TAF1L: variants seen among roughly 807,000 people sequenced by gnomAD.
TAF1L encodes transcription initiation factor TFIID subunit 1-like.
Under a neutral mutation model 128.8 loss-of-function variants are expected in TAF1L, and 30 were observed. That is an observed-to-expected ratio of 0.23 (90% CI 0.17 to 0.32). The LOEUF (loss-of-function observed/expected upper bound fraction) is 0.32. TAF1L is among the 10% of genes least tolerant of loss of function. The probability of loss-of-function intolerance (pLI) is 1.00; values close to 1 mark genes in which losing one functional copy is unlikely to be tolerated. For synonymous variants in TAF1L, 764 were observed against 790.7 expected, an observed-to-expected ratio of 0.97 and a Z score of 0.57; for missense variants, 2,099 against 2,253.7, an observed-to-expected ratio of 0.93 and a Z score of 1.39.
rs757349383 is a variant in TAF1L at position 32,634,326 on chromosome 9, G to C, written c.1254C>G (p.Asp418Glu). 6.2e-7 allele frequency: 1 copy of C among 1,614,130 alleles called. No homozygotes were observed. Among genetic ancestry groups the C allele is most frequent in the East Asian group, 2.2e-5 (1 of 44,878 alleles). The stretch of plus-strand genomic sequence containing the variant: ...GCTGTGTCACCATCAGGAAGTTTTC[G>C]TCAGCCAGAAGATCAGTGCCATTGC... ...EESNGTDLLA[D>E]ENFLMVTQLH... Residue 418 changes from aspartate (D) to glutamate (E), a missense_variant, in exon 1 of 1, where the codon GAC becomes GAG. This residue lies in a region of TAF1L where 1,213 missense variants were observed against 1,391.4 expected (regional missense o/e 0.87). Coordinates refer to ENST00000242310, the MANE Select transcript of TAF1L (RefSeq NM_153809.2).
chr9:32,634,732 T>C lies in TAF1L; in HGVS notation c.848A>G (p.Lys283Arg). ...TTCCTGTATCAGCTCACGATGCTTC[T>C]TCCTCTTTCTCCGAGCACTCCGCCA... is the stretch of plus-strand genomic sequence containing the variant. ...SVWRSARRKR[K>R]KHRELIQEEQ... Residue 283 changes from lysine (K) to arginine (R), a missense_variant, in exon 1 of 1, where the codon AAG becomes AGG. By Grantham distance (26) the Lys-to-Arg change is conservative (BLOSUM62 2). Around this residue, in one of 4 missense-constraint regions of TAF1L, gnomAD observed 473 missense variants for 429.6 expected, o/e 1.10. Coordinates refer to ENST00000242310, the MANE Select transcript of TAF1L (RefSeq NM_153809.2). 5 of 1,614,222 alleles carry C rather than the reference T, an allele frequency of 3.1e-6. No homozygotes were observed. The highest frequency in any genetic ancestry group is 3.4e-6 in the Non-Finnish European group (4 of 1,180,024).
At position 32,630,315 on chromosome 9, in the gene TAF1L, A is replaced by G. The variant is rs1822499293; in HGVS notation, c.5265T>C (p.Pro1755=). The change falls in exon 1 of 1, where the codon CCT becomes CCC. Residue 1755 remains proline, a synonymous_variant. Transcript: ENST00000242310. ...AATCCTCATACAGGACACTGGCTTCAGGTTGTTGTACAGTTCCTTCCTCTT... is the reference window on the plus strand; with the variant it reads ...AATCCTCATACAGGACACTGGCTTCGGGTTGTTGTACAGTTCCTTCCTCTT... ...ADEEEGTVQQ[P]EASVLYEDLL... is the part of the protein sequence containing the mutation. 2 of 1,614,062 alleles carry G rather than the reference A, an allele frequency of 1.2e-6. No individual in the cohort carries two copies. Among genetic ancestry groups the G allele is most frequent in the African/African-American group, 1.3e-5 (1 of 74,912 alleles).
Position 32,633,342 on chromosome 9 carries a change from T to A in TAF1L, c.2238A>T (p.Thr746=), listed in dbSNP as rs763382629. The change falls in exon 1 of 1, where the codon ACA becomes ACT. Residue 746 remains threonine (T), a synonymous_variant. Transcript: ENST00000242310. ...GATGGAGAGAGCCCAAGAAAGGAGA[T>A]GTATGGCAGTAAACAGTTTCCCCAT... ...CKYGETVYCH[T]SPFLGSLHPG... is the part of the protein sequence containing the mutation. 6.2e-7 allele frequency: 1 copy of A among 1,614,188 alleles called. No individual in the cohort carries two copies. The highest frequency in any genetic ancestry group is 2.2e-5 in the East Asian group (1 of 44,892).
At position 32,630,754 on chromosome 9, in the gene TAF1L, G is replaced by T; in HGVS notation, c.4826C>A (p.Thr1609Asn). ...GTTCACAATCTCCTGAGCAGTCTTAGTGTACTGACTCTCAGGTCCATTATA... is the reference window on the plus strand; with the variant it reads ...GTTCACAATCTCCTGAGCAGTCTTATTGTACTGACTCTCAGGTCCATTATA... The part of the protein sequence containing the change: ...VKYNGPESQY[T>N]KTAQEIVNIC... Residue 1609 changes from threonine (T) to asparagine (N), a missense_variant, in exon 1 of 1, where the codon ACT (threonine) becomes AAT (asparagine). Transcript: ENST00000242310. 6.2e-7 allele frequency: 1 copy of T among 1,614,196 alleles called. No homozygotes were observed. Among genetic ancestry groups the T allele is most frequent in the Non-Finnish European group, 8.5e-7 (1 of 1,180,042 alleles).
At position 32,631,338 on chromosome 9, in the gene TAF1L, G is replaced by A. The variant is rs2119084368; in HGVS notation, c.4242C>T (p.Asp1414=). The A allele has an allele frequency of 1.2e-6, 2 of 1,614,184 alleles. No individual in the cohort carries two copies. Among genetic ancestry groups the A allele is most frequent in the South Asian group, 2.2e-5 (2 of 91,084 alleles). The change falls in exon 1 of 1, where the codon GAC becomes GAT. Residue 1414 remains aspartate, a synonymous_variant. Coordinates refer to ENST00000242310, the MANE Select transcript of TAF1L (RefSeq NM_153809.2). The surrounding 1 kb of genome is among the most constrained non-coding windows in gnomAD (Gnocchi z 4.1). The part of the protein sequence containing the change: ...LSSILESIIN[D]MRDLPNTHPF... The stretch of plus-strand genomic sequence containing the variant: ...GGTGTGTATTTGGAAGATCTCTCAT[G>A]TCATTGATGATAGACTCCAGGATGG...
rs1822552769 is a variant in TAF1L at position 32,634,138 on chromosome 9, T to C, written c.1442A>G (p.Lys481Arg). 1 of 1,614,172 alleles carries C rather than the reference T, an allele frequency of 6.2e-7. No individual in the cohort carries two copies. The highest frequency in any genetic ancestry group is 8.5e-7 in the Non-Finnish European group (1 of 1,180,038). The change falls in exon 1 of 1, where the codon AAA becomes AGA. Residue 481 changes from lysine (K) to arginine (R), a missense_variant. Around this residue, in one of 4 missense-constraint regions of TAF1L, gnomAD observed 1,213 missense variants for 1,391.4 expected, o/e 0.87. Coordinates refer to ENST00000242310, the MANE Select transcript of TAF1L (RefSeq NM_153809.2). ...QGFAPTLDDD[K>R]PWYSIFPIDN... ...AATGGGAAAAATGGAGTACCAAGGT[T>C]TGTCATCATCCAGAGTGGGTGCAAA...
At position 32,634,393 on chromosome 9, in the gene TAF1L, A is replaced by C; in HGVS notation, c.1187T>G (p.Ile396Arg). 1 of 1,614,208 alleles carries C rather than the reference A, an allele frequency of 6.2e-7. No individual in the cohort carries two copies. Among genetic ancestry groups the C allele is most frequent in the East Asian group, 2.2e-5 (1 of 44,886 alleles). Residue 396 changes from isoleucine (I) to arginine (R), a missense_variant, in exon 1 of 1, where the codon ATA becomes AGA. Physicochemically the swap from Ile to Arg is moderately conservative, Grantham distance 97. This residue lies in a region of TAF1L where 1,213 missense variants were observed against 1,391.4 expected (regional missense o/e 0.87). Transcript: ENST00000242310. The stretch of plus-strand genomic sequence containing the variant: ...AAATTCCTCCATCATTCTAGATTTT[A>C]TCACAGGTTCATGTTGTGTCTTTCT... Reference protein sequence around the residue: ...KLRKTQHEPVIKSRMMEEFRK... With the variant: ...KLRKTQHEPVRKSRMMEEFRK...
chr9:32,633,852 A>G lies in TAF1L; in HGVS notation c.1728T>C (p.Ser576=), dbSNP rs1822548702. The stretch of plus-strand genomic sequence containing the variant: ...TCCATGGATCTTTCACTTCTGGCTG[A>G]GACATGTTCTGCTGTGGTTCCTCCC... ...VIREEPQQNM[S]QPEVKDPWNL... is the part of the protein sequence containing the mutation. Residue 576 remains serine, a synonymous_variant, in exon 1 of 1, where the codon TCT becomes TCC. Transcript: ENST00000242310. 1 of 1,614,090 alleles carries G rather than the reference A, an allele frequency of 6.2e-7. No homozygotes were observed. Among genetic ancestry groups the G allele is most frequent in the Non-Finnish European group, 8.5e-7 (1 of 1,180,046 alleles).
chr9:32,633,971 C>T lies in TAF1L; in HGVS notation c.1609G>A (p.Glu537Lys), dbSNP rs1166817677. 8 of 1,614,018 alleles carry T rather than the reference C, an allele frequency of 5.0e-6. No homozygotes were observed. The African/African-American group carries it at 1.1e-4, about 22-fold the overall frequency. ...NLILEIPDEKEEATSNSPSKE... is the reference protein window; with the variant it reads ...NLILEIPDEKKEATSNSPSKE... ...GAGGGGGAGTTAGAGGTGGCCTCTT[C>T]CTTCTCATCAGGAATTTCCAAAATG... Residue 537 changes from glutamate to lysine, a missense_variant, in exon 1 of 1, where the codon GAA becomes AAA. Coordinates refer to ENST00000242310, the MANE Select transcript of TAF1L (RefSeq NM_153809.2).
In TAF1L at chr9:32,631,575, G is replaced by A; in HGVS notation, c.4005C>T (p.Ile1335=). 6.2e-7 allele frequency: 1 copy of A among 1,614,146 alleles called. No homozygotes were observed. ...AGACAATTTTGGTCCCTTCAACCTTGATAAGTTCTTCATTATCATTATGAA... is the reference window on the plus strand; with the variant it reads ...AGACAATTTTGGTCCCTTCAACCTTAATAAGTTCTTCATTATCATTATGAA... ...TVIHNDNEEL[I]KVEGTKIVFG... is the part of the protein sequence containing the mutation. The change falls in exon 1 of 1, where the codon ATC becomes ATT. Residue 1335 remains isoleucine, a synonymous_variant. Transcript: ENST00000242310. The surrounding 1 kb of genome is among the most constrained non-coding windows in gnomAD (Gnocchi z 4.1).
At position 32,630,934 on chromosome 9, in the gene TAF1L, T is replaced by G; in HGVS notation, c.4646A>C (p.His1549Pro). The part of the protein sequence containing the change: ...MAVPDSWPFH[H>P]PVNKKFVPDY... ...TGGAACAAACTTCTTATTAACTGGG[T>G]GATGAAATGGCCAAGAATCTGGAAC... The change falls in exon 1 of 1, where the codon CAC becomes CCC. Residue 1549 changes from histidine (H) to proline (P), a missense_variant. By Grantham distance (77) the His-to-Pro change is moderately conservative. Coordinates refer to ENST00000242310, the MANE Select transcript of TAF1L (RefSeq NM_153809.2). 1 of 1,614,202 alleles carries G rather than the reference T, an allele frequency of 6.2e-7. No individual in the cohort carries two copies. Among genetic ancestry groups the G allele is most frequent in the Non-Finnish European group, 8.5e-7 (1 of 1,180,038 alleles).
chr9:32,633,998 G>A lies in TAF1L; in HGVS notation c.1582C>T (p.Leu528Phe). ...VLALDPNDENLILEIPDEKEE... is the reference protein window; with the variant it reads ...VLALDPNDENFILEIPDEKEE... ...TTCTCATCAGGAATTTCCAAAATGA[G>A]GTTCTCATCATTGGGATCAAGTGCC... Residue 528 changes from leucine to phenylalanine, a missense_variant, in exon 1 of 1, where the codon CTC (leucine) becomes TTC (phenylalanine). Leu to Phe is a conservative substitution (Grantham distance 22). Transcript: ENST00000242310. 6.2e-7 allele frequency: 1 copy of A among 1,614,128 alleles called. No homozygotes were observed. Among genetic ancestry groups the A allele is most frequent in the Non-Finnish European group, 8.5e-7 (1 of 1,180,032 alleles).
rs987889680 is a variant in TAF1L at position 32,629,597 on chromosome 9, G to C, written c.*502C>G. 24 of 178,318 alleles carry C rather than the reference G, an allele frequency of 1.3e-4. No individual in the cohort carries two copies. The highest frequency in any genetic ancestry group is 2.4e-4 in the Non-Finnish European group (20 of 83,696). 11.0% of individuals were successfully genotyped at this position (178,318 alleles called of 1,614,324 possible). A position where few individuals can be genotyped will look rare whatever the true frequency, so the allele number is the denominator to read the frequency against. The stretch of plus-strand genomic sequence containing the variant: ...CACTAGAACCCAATTCTCTGTCCCA[G>C]CAGGAGGGCTCTCATCTGTTCCAGC... On this transcript the variant is annotated 3_prime_UTR_variant, in exon 1 of 1. Coordinates refer to ENST00000242310, the MANE Select transcript of TAF1L (RefSeq NM_153809.2).
Position 32,630,538 on chromosome 9 carries a change from G to C in TAF1L, c.5042C>G (p.Ala1681Gly). The change falls in exon 1 of 1, where the codon GCC (alanine) becomes GGC (glycine). Residue 1681 changes from alanine to glycine, a missense_variant. Transcript: ENST00000242310. Reference protein sequence around the residue: ...TNTSLSTSRDASVFQDESNLS... With the variant: ...TNTSLSTSRDGSVFQDESNLS... ...ATTGCTCTCATCTTGAAATACAGAGGCATCTCGAGACGTACTGAGGGATGT... is the reference window on the plus strand; with the variant it reads ...ATTGCTCTCATCTTGAAATACAGAGCCATCTCGAGACGTACTGAGGGATGT... 1 of 1,614,182 alleles carries C rather than the reference G, an allele frequency of 6.2e-7. No individual in the cohort carries two copies. The highest frequency in any genetic ancestry group is 8.5e-7 in the Non-Finnish European group (1 of 1,180,046).
rs1257805302 is a variant in TAF1L at position 32,635,538 on chromosome 9, G to C, written c.42C>G (p.Thr14=). ...GCDLLLRAAA[T]VTAAIMSDSD... is the part of the protein sequence containing the mutation. ...AGTCTGACATGATGGCGGCAGTGACGGTAGCTGCTGCCCTCAGCAGCAAAT... is the reference window on the plus strand; with the variant it reads ...AGTCTGACATGATGGCGGCAGTGACCGTAGCTGCTGCCCTCAGCAGCAAAT... The change falls in exon 1 of 1, where the codon ACC becomes ACG. Residue 14 remains threonine (T), a synonymous_variant. Coordinates refer to ENST00000242310, the MANE Select transcript of TAF1L (RefSeq NM_153809.2). 2.5e-6 allele frequency: 4 copies of C among 1,613,998 alleles called. No individual in the cohort carries two copies. The highest frequency in any genetic ancestry group is 3.4e-6 in the Non-Finnish European group (4 of 1,179,970).
In TAF1L at chr9:32,632,466, C is replaced by G. The variant is rs55767137; in HGVS notation, c.3114G>C (p.Lys1038Asn). 1 of 1,614,234 alleles carries G rather than the reference C, an allele frequency of 6.2e-7. No individual in the cohort carries two copies. The highest frequency in any genetic ancestry group is 8.5e-7 in the Non-Finnish European group (1 of 1,180,046). ...KFGVPEEEIK[K>N]LSRWEVIDVV... ...CATCAATCACTTCCCAGCGGGACAA[C>G]TTTTTAATCTCTTCCTCAGGCACAC... The change falls in exon 1 of 1, where the codon AAG becomes AAC. Residue 1038 changes from lysine to asparagine, a missense_variant. Lys to Asn is a moderately conservative substitution (Grantham distance 94). Transcript: ENST00000242310. The surrounding 1 kb of genome is among the most constrained non-coding windows in gnomAD (Gnocchi z 4.4).
In TAF1L at chr9:32,634,922, C is replaced by G. The variant is rs1564012516; in HGVS notation, c.658G>C (p.Ala220Pro). 1.2e-6 allele frequency: 2 copies of G among 1,614,168 alleles called. No individual in the cohort carries two copies. The highest frequency in any genetic ancestry group is 8.5e-7 in the Non-Finnish European group (1 of 1,180,034). The change falls in exon 1 of 1, where the codon GCA becomes CCA. Residue 220 changes from alanine to proline, a missense_variant. Around this residue, in one of 4 missense-constraint regions of TAF1L, gnomAD observed 473 missense variants for 429.6 expected, o/e 1.10. Transcript: ENST00000242310. ...SEMGPQEATQ[A>P]ESEDGKLTLP... ...GTCAGCTTTCCATCCTCAGATTCTG[C>G]CTGTGTTGCTTCCTGAGGTCCCATC...
Position 32,632,087 on chromosome 9 carries a change from T to C in TAF1L, c.3493A>G (p.Arg1165Gly). The C allele has an allele frequency of 1.2e-6, 2 of 1,614,196 alleles. No homozygotes were observed. The highest frequency in any genetic ancestry group is 1.7e-6 in the Non-Finnish European group (2 of 1,180,036). The change falls in exon 1 of 1, where the codon AGA (arginine) becomes GGA (glycine). Residue 1165 changes from arginine to glycine, a missense_variant. Arg to Gly is a moderately radical substitution (Grantham distance 125). Coordinates refer to ENST00000242310, the MANE Select transcript of TAF1L (RefSeq NM_153809.2). This position sits in a 1 kb window ranked among gnomAD's most constrained non-coding sequence, Gnocchi z 4.4. ...AGSAASGNNH[R>G]DDVTASMTSL... ...GTCATGGAAGCTGTGACATCATCTC[T>C]GTGATTGTTTCCTGATGCTGCTGAG...
rs1418364498 is a variant in TAF1L at position 32,632,377 on chromosome 9, C to T, written c.3203G>A (p.Arg1068His). The stretch of plus-strand genomic sequence containing the variant: ...CTCAGCCACAGAAAACCTTGATCCA[C>T]GGGCAAATTTACTCATGGGCCCCTC... ...SGEGPMSKFA[R>H]GSRFSVAEHQ... is the part of the protein sequence containing the mutation. The change falls in exon 1 of 1, where the codon CGT (arginine) becomes CAT (histidine). Residue 1068 changes from arginine (R) to histidine (H), a missense_variant. Physicochemically the swap from Arg to His is conservative, Grantham distance 29. Transcript: ENST00000242310. The surrounding 1 kb of genome is among the most constrained non-coding windows in gnomAD (Gnocchi z 4.4). 3.7e-6 allele frequency: 6 copies of T among 1,614,156 alleles called. 1 individual carries two copies. The highest frequency in any genetic ancestry group is 3.3e-5 in the South Asian group (3 of 91,086).
Sources: gnomAD v4.1 joint callset for allele counts on GRCh38, gnomAD v4.1.1 for gene constraint, gnomAD v4.1.1 regional missense constraint, Gnocchi (gnomAD v3.1) non-coding constraint, MANE v1.5 for transcripts, NCBI Gene and HGNC (gene_info 2026-07-23, HGNC 2026-07-21) for gene names.